Variants in KDM7A observed in about 807,000 individuals in gnomAD.
The protein encoded by KDM7A is lysine demethylase 7A, also known as lysine-specific demethylase 7A.
Under a neutral mutation model 114.8 loss-of-function variants are expected in KDM7A, and 28 were observed. The observed-to-expected ratio is 0.24, with a 90% confidence interval of 0.18 to 0.33. The LOEUF is 0.33. KDM7A is among the 10% of genes least tolerant of loss of function. The pLI, the probability that KDM7A is intolerant of heterozygous loss-of-function variation, is 1.00. For synonymous variants in KDM7A, 423 were observed against 397.8 expected, an observed-to-expected ratio of 1.06 and a Z score of -0.75; for missense variants, 942 against 1,142.5, an observed-to-expected ratio of 0.82 and a Z score of 2.53.
At position 140,085,004 on chromosome 7, in the gene KDM7A, G is replaced by T; in HGVS notation, c.*6090C>A. 1 of 152,126 alleles carries T rather than the reference G, an allele frequency of 6.6e-6. No individual in the cohort carries two copies. The highest frequency in any genetic ancestry group is 1.5e-5 in the Non-Finnish European group (1 of 68,010). The allele number at this position is 152,126 out of a possible 1,614,324, so 9.4% of individuals were successfully genotyped here. A position where few individuals can be genotyped will look rare whatever the true frequency, so the allele number is the denominator to read the frequency against. ...AGACTTACAAATTTAAAGTAAAACA[G>T]AAACAAAATAAATACTGTACACTTT... On this transcript the variant is annotated 3_prime_UTR_variant, in exon 20 of 20. Transcript: ENST00000397560.
At chr7:140,137,581 A>G (rs936533715) in intron 2 of KDM7A, among the ~76,000 whole-genome samples, 6 of 152,200 alleles carry the variant, frequency 3.9e-5, no homozygotes, top group African/African-American at 1.4e-4. Context: ...CCAGAGAAAA[A>G]TCATTTAAAA....
At chr7:140,100,681 C>CATAT (rs1318217688) in intron 12 of KDM7A, among the ~76,000 whole-genome samples, 66 of 44,314 alleles carry the variant, frequency 1.5e-3, no homozygotes, top group East Asian at 6.0e-3. Context: ...TATATATATA[C>CATAT]ATATATACAT....
chr7:140,168,720 C>T (rs1277776809), intron 1 of KDM7A, among the ~76,000 whole-genome samples: 1 of 152,082 alleles, frequency 6.6e-6, no homozygotes, highest in Non-Finnish European at 1.5e-5. Context: ...TACTCTAAGG[C>T]CAAAGGCAAA....
chr7:140,128,125 A>T (rs1331956889), intron 4 of KDM7A, among the ~76,000 whole-genome samples: 1 of 152,186 alleles, frequency 6.6e-6, no homozygotes, highest in East Asian at 1.9e-4. Context: ...CTTTAAGAAA[A>T]AATTAGTGAT....
rs148815672 is a variant in KDM7A at position 140,107,818 on chromosome 7, C to T, written c.1428+3277G>A. On this transcript the variant is annotated intron_variant, in intron 11 of 19. Coordinates refer to ENST00000397560, the MANE Select transcript of KDM7A (RefSeq NM_030647.2). ...TATTTCCTGAATTTGAATGTTGGCCCGCCTTGCTAGGTTGGGGAAGTTCTC... is the reference window on the plus strand; with the variant it reads ...TATTTCCTGAATTTGAATGTTGGCCTGCCTTGCTAGGTTGGGGAAGTTCTC... Among the ~76,000 whole-genome samples, 813 of 152,174 alleles carry T rather than the reference C, an allele frequency of 5.3e-3. 19 individuals are homozygous for T. The highest frequency in any genetic ancestry group is 0.046 in the East Asian group (240 of 5,172).
intron 11 of KDM7A, among the ~76,000 whole-genome samples, chr7:140,108,192 T>G (rs924905797): frequency 5.3e-5 from 8 of 151,946 alleles, no homozygotes; most frequent in African/African-American, 1.9e-4. Context: ...TTTTTCAAGG[T>G]TTTTAGCTTC....
At chr7:140,146,784 A>G (rs1320698439) in intron 1 of KDM7A, among the ~76,000 whole-genome samples, 2 of 152,148 alleles carry the variant, frequency 1.3e-5, no homozygotes, top group African/African-American at 4.8e-5. Context: ...AATCTTCTGA[A>G]ATTGTTGCTT....
chr7:140,131,169 G>GTA (rs1440405257), intron 3 of KDM7A, among the ~76,000 whole-genome samples: 1 of 151,978 alleles, frequency 6.6e-6, no homozygotes, highest in Non-Finnish European at 1.5e-5. Context: ...GCCAGGCCTA[G>GTA]TAAGTCTTAA....
At chr7:140,142,982 C>T (rs966195857) in intron 1 of KDM7A, among the ~76,000 whole-genome samples, 4 of 151,688 alleles carry the variant, frequency 2.6e-5, no homozygotes, top group African/African-American at 9.7e-5. Context: ...GAGATCGAGA[C>T]CACCCTGGCT....
chr7:140,102,232 T>A, intron 11 of KDM7A, 72 bp from the exon 12 acceptor site: 2 of 1,102,264 alleles, frequency 1.8e-6, no homozygotes, highest in South Asian at 1.3e-5. Context: ...TAATCATCCA[T>A]AAAAATATTT....
intron 18 of KDM7A, among the ~76,000 whole-genome samples, chr7:140,093,594 G>A (rs1818058508): frequency 6.6e-6 from 1 of 152,100 alleles, no homozygotes; most frequent in South Asian, 2.1e-4. Context: ...TTTCAAAACT[G>A]CTATTTTGGG....
chr7:140,168,965 T>C (rs1346519323), intron 1 of KDM7A, among the ~76,000 whole-genome samples: 2 of 152,198 alleles, frequency 1.3e-5, no homozygotes, highest in African/African-American at 4.8e-5. Context: ...AAACTTACAG[T>C]TCGTAATATA....
intron 1 of KDM7A, 105 bp from the exon 2 acceptor site, chr7:140,139,295 CA>C: frequency 1.4e-6 from 1 of 712,902 alleles, no homozygotes; most frequent in Non-Finnish European, 2.5e-6. Flanking sequence ...ACCACCTCAC[CA>C]ACACATTTTT....
In KDM7A at chr7:140,092,209, G is replaced by C. The variant is rs942899816; in HGVS notation, c.2458-132C>G. ...ATTCTGATTTTCTTAACATCTATTAGCCACGGATGACCACTCCTGCATGAT... is the reference window on the plus strand; with the variant it reads ...ATTCTGATTTTCTTAACATCTATTACCCACGGATGACCACTCCTGCATGAT... On this transcript the variant is annotated intron_variant, in intron 18 of 19. Transcript: ENST00000397560. The C allele has an allele frequency of 3.7e-6, 3 of 810,644 alleles. No homozygotes were observed. The African/African-American group carries it at 5.2e-5, about 14-fold the overall frequency. 50.2% of individuals were successfully genotyped at this position (810,644 alleles called of 1,614,324 possible).
chr7:140,129,308 T>A (rs956491186), intron 4 of KDM7A, among the ~76,000 whole-genome samples, 185 bp downstream of exon 4: 2 of 152,218 alleles, frequency 1.3e-5, no homozygotes, highest in African/African-American at 4.8e-5. Flanking sequence ...AAATTGTCAT[T>A]CTGTTTTTCT....
chr7:140,114,230 C>A (rs1291507593), intron 9 of KDM7A, among the ~76,000 whole-genome samples: 1 of 152,184 alleles, frequency 6.6e-6, no homozygotes, highest in Non-Finnish European at 1.5e-5. Flanking sequence ...GGAAGCTGGA[C>A]TGTACTGCCG....
rs538367618 is a variant in KDM7A, at chr7:140,106,130, G to A, written c.1429-3970C>T. 5.3e-5 allele frequency among the ~76,000 whole-genome samples: 8 copies of A among 152,254 alleles called. No individual in the cohort carries two copies. In the South Asian group the frequency reaches 1.7e-3, roughly 32 times the overall value. On this transcript the variant is annotated intron_variant, in intron 11 of 19. Transcript: ENST00000397560. The stretch of plus-strand genomic sequence containing the variant: ...AGTTTGTATTTCTGTGGGATCGGTG[G>A]TGATATCCCCTTTATCATTTTTTAT...
chr7:140,125,814 C>T (rs867567809), intron 6 of KDM7A, among the ~76,000 whole-genome samples: 47 of 151,596 alleles, frequency 3.1e-4, no homozygotes, highest in African/African-American at 9.2e-4. Context: ...CGGCACACTG[C>T]AGCCTCAACT....
Position 140,129,640 on chromosome 7 carries a change from T to C in KDM7A, c.412A>G (p.Ile138Val). The C allele has an allele frequency of 6.2e-7, 1 of 1,607,318 alleles. No homozygotes were observed. Among genetic ancestry groups the C allele is most frequent in the Non-Finnish European group, 8.5e-7 (1 of 1,174,208 alleles). ...SRVFPSADEI[I>V]IKMHGSQLTQ... The stretch of plus-strand genomic sequence containing the variant: ...AGCTGGCTGCCATGCATCTTTATAA[T>C]TATTTCATCGGCACTAAGGAAAAAC... The change falls in exon 4 of 20, where the codon ATT (isoleucine) becomes GTT (valine). Residue 138 changes from isoleucine (I) to valine (V), a missense_variant. By Grantham distance (29) the Ile-to-Val change is conservative. This residue lies in a region of KDM7A where 318 missense variants were observed against 453.1 expected (regional missense o/e 0.70). Transcript: ENST00000397560.
Sources: gnomAD v4.1 joint callset for allele counts (sites outside exome capture counted in the v4.1 genomes callset) on GRCh38, gnomAD v4.1.1 for gene constraint, gnomAD v4.1.1 regional missense constraint, MANE v1.5 for transcripts, NCBI Gene and HGNC (gene_info 2026-07-23, HGNC 2026-07-21) for gene names.